YTHDC1: variants seen among roughly 807,000 people sequenced by gnomAD.
YTHDC1 encodes YTH N6-methyladenosine RNA binding protein C1.
In YTHDC1, 12 loss-of-function variants were observed where a neutral mutation model predicts 107.0. That is an observed-to-expected ratio of 0.11 (90% CI 0.07 to 0.18). The LOEUF (loss-of-function observed/expected upper bound fraction) is 0.18, where lower values mean the gene tolerates loss of function less well. Among genes scored for constraint, YTHDC1 ranks in the 10% least tolerant of loss-of-function variants. The pLI, the probability that YTHDC1 is intolerant of heterozygous loss-of-function variation, is 1.00. For missense variants in YTHDC1, 635 were observed against 898.8 expected (o/e 0.71, Z 3.75); for synonymous variants, 280 against 289.5 (o/e 0.97, Z 0.33).
chr4:68,317,161 C>T (rs1339858503), intron 15 of YTHDC1, among the ~76,000 whole-genome samples: 1 of 152,124 alleles, frequency 6.6e-6, no homozygotes, highest in African/African-American at 2.4e-5. Flanking sequence ...GAGTTCAAGG[C>T]TGCACAGAGC....
At chr4:68,334,905 T>G (rs1197834513) in intron 4 of YTHDC1, among the ~76,000 whole-genome samples, 1 of 152,044 alleles carries the variant, frequency 6.6e-6, no homozygotes, top group African/African-American at 2.4e-5. Context: ...AGATCTGAGA[T>G]AATGCAGGGA....
chr4:68,334,006 C>T (rs1288023011), intron 4 of YTHDC1, among the ~76,000 whole-genome samples: 1 of 151,896 alleles, frequency 6.6e-6, no homozygotes, highest in East Asian at 1.9e-4. Context: ...AAAATTTATC[C>T]CTACAATTTT....
At position 68,322,765 on chromosome 4, in the gene YTHDC1, C is replaced by A. The variant is rs376050105; in HGVS notation, c.1585G>T (p.Val529Phe). ...GTTTCTAACCTTCCCACATCCCGGA[C>A]TGGTTCTCGACGGGATGGACGTCCT... ...SRGRPSRREPVRDVGRRRPED... is the reference protein window; with the variant it reads ...SRGRPSRREPFRDVGRRRPED... Residue 529 changes from valine (V) to phenylalanine (F), a missense_variant, in exon 11 of 17, where the codon GTC becomes TTC. By Grantham distance (50) the Val-to-Phe change is conservative (BLOSUM62 -1). This residue lies in a region of YTHDC1 where 256 missense variants were observed against 372.9 expected (regional missense o/e 0.69). Coordinates refer to ENST00000344157, the MANE Select transcript of YTHDC1 (RefSeq NM_001031732.4). The surrounding 1 kb of genome is among the most constrained non-coding windows in gnomAD (Gnocchi z 4.8). 3 of 1,613,958 alleles carry A rather than the reference C, an allele frequency of 1.9e-6. No individual in the cohort carries two copies. Among genetic ancestry groups the A allele is most frequent in the Non-Finnish European group, 2.5e-6 (3 of 1,179,966 alleles).
rs61292555 is a variant in YTHDC1 at position 68,347,972 on chromosome 4, A to T, written c.28+1754T>A. Among the ~76,000 whole-genome samples the T allele has an allele frequency of 7.3e-4, 111 of 152,356 alleles. 2 individuals are homozygous for T. The East Asian group carries it at 0.019, about 26-fold the overall frequency. On this transcript the variant is annotated intron_variant, in intron 1 of 16. Transcript: ENST00000344157. ...GATAAAGCACTTACATCAAGTTTTT[A>T]AATAAAGTTATGAAAATTAAATAAA...
At chr4:68,327,460 C>A (rs916801448) in intron 9 of YTHDC1, among the ~76,000 whole-genome samples, 6 of 152,150 alleles carry the variant, frequency 3.9e-5, no homozygotes, top group African/African-American at 1.4e-4. Flanking sequence ...CTTATCTGGT[C>A]CCAATCTTCC....
Position 68,311,207 on chromosome 4 carries a change from G to A in YTHDC1, c.*2892C>T, listed in dbSNP as rs1721280156. On this transcript the variant is annotated 3_prime_UTR_variant, in exon 17 of 17. Coordinates refer to ENST00000344157, the MANE Select transcript of YTHDC1 (RefSeq NM_001031732.4). ...TTTTGGGGAACTGACATGGACACTG[G>A]GAGGAAAATAGTCTCTCTCCTGCCA... 6.6e-6 allele frequency: 1 copy of A among 151,966 alleles called. No individual in the cohort carries two copies. The highest frequency in any genetic ancestry group is 2.4e-5 in the African/African-American group (1 of 41,344). The allele number at this position is 151,966 out of a possible 1,614,324, so 9.4% of individuals were successfully genotyped here.
rs967562642 is a variant in YTHDC1 at position 68,313,999 on chromosome 4, A to T, written c.*100T>A. 7 of 1,196,340 alleles carry T rather than the reference A, an allele frequency of 5.9e-6. No individual in the cohort carries two copies. In the African/African-American group the frequency reaches 1.1e-4, roughly 18 times the overall value. The allele number at this position is 1,196,340 out of a possible 1,614,324, so 74.1% of individuals were successfully genotyped here. ...AATCCTTCTACACAATGAACTTCAT[A>T]GGCAGACAGCTGAAAATAAATTTAC... On this transcript the variant is annotated 3_prime_UTR_variant, in exon 17 of 17. Transcript: ENST00000344157.
chr4:68,342,980 T>C, intron 1 of YTHDC1, among the ~76,000 whole-genome samples: 1 of 152,288 alleles, frequency 6.6e-6, no homozygotes, highest in Non-Finnish European at 1.5e-5. Flanking sequence ...TATAGAGATA[T>C]GTATACTTTC....
intron 1 of YTHDC1, among the ~76,000 whole-genome samples, chr4:68,342,554 A>G (rs964549708): frequency 2.0e-5 from 3 of 152,170 alleles, no homozygotes; most frequent in African/African-American, 4.8e-5. Flanking sequence ...CAAAATTACT[A>G]TAGTTTTATT....
At chr4:68,328,575 A>G (rs1723236850) in intron 9 of YTHDC1, among the ~76,000 whole-genome samples, 1 of 152,182 alleles carries the variant, frequency 6.6e-6, no homozygotes, top group African/African-American at 2.4e-5. Flanking sequence ...TTACTTCCAC[A>G]TATATTTAAG....
intron 4 of YTHDC1, among the ~76,000 whole-genome samples, chr4:68,333,608 T>A (rs1723830712): frequency 6.6e-6 from 1 of 151,968 alleles, no homozygotes; most frequent in Non-Finnish European, 1.5e-5. Context: ...TCAGTTTCAA[T>A]CAAATAAAAA....
chr4:68,327,515 G>A (rs1723129043), intron 9 of YTHDC1, among the ~76,000 whole-genome samples: 1 of 152,112 alleles, frequency 6.6e-6, no homozygotes, highest in Admixed American at 6.5e-5. Flanking sequence ...TAACAGGTTT[G>A]AGGTGGGTTT....
chr4:68,348,945 T>C (rs1274080320), intron 1 of YTHDC1, among the ~76,000 whole-genome samples: 3 of 152,238 alleles, frequency 2.0e-5, no homozygotes, highest in Non-Finnish European at 4.4e-5. Flanking sequence ...TCTCTAGGGC[T>C]TGGGAACTTA....
intron 15 of YTHDC1, among the ~76,000 whole-genome samples, chr4:68,318,002 T>C (rs1300990858): frequency 6.6e-6 from 1 of 152,188 alleles, no homozygotes; most frequent in Non-Finnish European, 1.5e-5. Context: ...ACTACCATAA[T>C]ACACTATTAC....
intron 1 of YTHDC1, among the ~76,000 whole-genome samples, chr4:68,347,560 C>CAAGG (rs1224264360): frequency 2.0e-5 from 3 of 152,178 alleles, no homozygotes; most frequent in African/African-American, 7.2e-5. Flanking sequence ...ACTCTATGAA[C>CAAGG]AAGGGTCTTT....
At chr4:68,345,122 G>C (rs1320162804) in intron 1 of YTHDC1, among the ~76,000 whole-genome samples, 3 of 152,146 alleles carry the variant, frequency 2.0e-5, no homozygotes, top group African/African-American at 7.2e-5. Context: ...TTGTTGCTTG[G>C]CTGGGGGATT....
At chr4:68,317,408 C>T (rs1435156923) in intron 15 of YTHDC1, among the ~76,000 whole-genome samples, 5 of 151,852 alleles carry the variant, frequency 3.3e-5, no homozygotes, top group African/African-American at 1.2e-4. Context: ...AAACTGTATA[C>T]CTTAAAAGTG....
intron 2 of YTHDC1, 132 bp from the exon 3 acceptor site, chr4:68,338,032 T>C (rs1724411892): frequency 2.1e-6 from 3 of 1,459,704 alleles, no homozygotes; most frequent in African/African-American, 1.4e-5. Flanking sequence ...TTCTGAGAGA[T>C]TTCTTCTCCA....
chr4:68,345,442 C>T (rs1225377526), intron 1 of YTHDC1, among the ~76,000 whole-genome samples: 1 of 151,970 alleles, frequency 6.6e-6, no homozygotes, highest in African/African-American at 2.4e-5. Flanking sequence ...TTTAGTGGGA[C>T]TTGGCAATGG....
Sources: allele counts gnomAD v4.1 joint callset (sites outside exome capture counted in the v4.1 genomes callset), GRCh38; gene constraint gnomAD v4.1.1; regional missense constraint gnomAD v4.1.1; non-coding constraint Gnocchi (gnomAD v3.1); transcripts MANE v1.5; gene names NCBI Gene and HGNC (gene_info 2026-07-23, HGNC 2026-07-21).